GRIK2: variants seen among roughly 807,000 people sequenced by gnomAD.
GRIK2 encodes glutamate receptor ionotropic, kainate 2.
Under a neutral mutation model 100.3 loss-of-function variants are expected in GRIK2, and 32 were observed. The observed-to-expected ratio is 0.32, with a 90% CI of 0.24 to 0.43. The LOEUF (loss-of-function observed/expected upper bound fraction) is 0.43. Ranked by LOEUF, GRIK2 falls within the 20% of genes least tolerant of loss-of-function variation. GRIK2 has a pLI of 1.00. For missense variants in GRIK2, 843 were observed against 1,114.9 expected, an observed-to-expected ratio of 0.76 and a Z score of 3.47; for synonymous variants, 417 against 389.4, an observed-to-expected ratio of 1.07 and a Z score of -0.83.
intron 2 of GRIK2, among the ~76,000 whole-genome samples, chr6:101,434,447 A>G (rs751195279): frequency 1.2e-4 from 19 of 152,180 alleles, no homozygotes; most frequent in Non-Finnish European, 2.2e-4. Context: ...TGATTCAGTG[A>G]ACAGAATTTC....
At position 101,852,243 on chromosome 6, in the gene GRIK2, T is replaced by G. The variant is rs575028179; in HGVS notation, c.1318-7044T>G. Among the ~76,000 whole-genome samples, 3 of 152,250 alleles carry G rather than the reference T, an allele frequency of 2.0e-5. No individual in the cohort carries two copies. The South Asian group carries it at 6.2e-4, about 32-fold the overall frequency. On this transcript the variant is annotated intron_variant, in intron 10 of 16. Coordinates refer to ENST00000369134, the MANE Select transcript of GRIK2 (RefSeq NM_021956.5). Reference sequence around the variant, plus strand: ...TCATAACCTAAATGAAACAAAAGTATGAAATCAATAGAGCTAATTTACTAT... The same window carrying G: ...TCATAACCTAAATGAAACAAAAGTAGGAAATCAATAGAGCTAATTTACTAT...
chr6:101,675,290 C>T (rs533782772), intron 4 of GRIK2, among the ~76,000 whole-genome samples: 13 of 120,454 alleles, frequency 1.1e-4, no homozygotes, highest in Non-Finnish European at 2.2e-4. Flanking sequence ...CGCACGCACA[C>T]GCAGACACAC....
intron 12 of GRIK2, among the ~76,000 whole-genome samples, chr6:101,922,197 G>A (rs1789597761): frequency 7.0e-6 from 1 of 143,160 alleles, no homozygotes; most frequent in African/African-American, 2.6e-5. Flanking sequence ...AGATTATATA[G>A]TCTGAGAAAA....
At chr6:101,558,937 A>G (rs1776868815) in intron 2 of GRIK2, among the ~76,000 whole-genome samples, 1 of 152,026 alleles carries the variant, frequency 6.6e-6, no homozygotes, top group African/African-American at 2.4e-5. Context: ...ATCACCGTAT[A>G]TTTATGACTC....
Position 102,055,391 on chromosome 6 carries a change from G to A in GRIK2, c.2373G>A (p.Leu791=), listed in dbSNP as rs368811963. 3.1e-5 allele frequency: 50 copies of A among 1,612,318 alleles called. No individual in the cohort carries two copies. In the African/African-American group the frequency reaches 5.1e-4, roughly 16 times the overall value. Residue 791 remains leucine, a synonymous_variant, in exon 16 of 17, where the codon CTG becomes CTA. Coordinates refer to ENST00000369134, the MANE Select transcript of GRIK2 (RefSeq NM_021956.5). ...AILQLQEEGK[L]HMMKEKWWRG... ...TTCAGCTGCAAGAGGAAGGCAAACT[G>A]CATATGATGAAGGAGAAATGGTGGA...
At chr6:101,567,126 C>G (rs1228796831) in intron 2 of GRIK2, among the ~76,000 whole-genome samples, 3 of 151,666 alleles carry the variant, frequency 2.0e-5, no homozygotes, top group South Asian at 2.1e-4. Context: ...ACATATATTT[C>G]ATTGTATTTT....
chr6:101,444,211 A>T (rs1315159850), intron 2 of GRIK2, among the ~76,000 whole-genome samples: 1 of 151,868 alleles, frequency 6.6e-6, no homozygotes, highest in Non-Finnish European at 1.5e-5. Flanking sequence ...GTGCCACCAC[A>T]TCCGACTCAT....
chr6:101,597,634 A>C (rs1297501176), intron 2 of GRIK2, among the ~76,000 whole-genome samples: 2 of 151,722 alleles, frequency 1.3e-5, no homozygotes, highest in Admixed American at 6.6e-5. Context: ...TGTTGAATGA[A>C]TTAATTTAGA....
At chr6:101,587,001 T>A (rs1401801343) in intron 2 of GRIK2, among the ~76,000 whole-genome samples, 1 of 151,890 alleles carries the variant, frequency 6.6e-6, no homozygotes, top group Non-Finnish European at 1.5e-5. Flanking sequence ...AAATATGGAT[T>A]TAAACTCAAT....
chr6:101,861,116 A>T (rs1275223008), intron 11 of GRIK2, among the ~76,000 whole-genome samples: 2 of 152,170 alleles, frequency 1.3e-5, no homozygotes, highest in Non-Finnish European at 2.9e-5. Flanking sequence ...TTTGAAACTT[A>T]ACTTTCTGAA....
At chr6:101,938,407 T>C (rs1227402885) in intron 14 of GRIK2, among the ~76,000 whole-genome samples, 1 of 152,118 alleles carries the variant, frequency 6.6e-6, no homozygotes, top group Non-Finnish European at 1.5e-5. Flanking sequence ...TAAATTTTGG[T>C]GCTTGTTCAT....
chr6:101,466,341 T>C (rs1375994321), intron 2 of GRIK2, among the ~76,000 whole-genome samples: 1 of 151,224 alleles, frequency 6.6e-6, no homozygotes, highest in African/African-American at 2.4e-5. Context: ...AAAAAGCTAA[T>C]ATGTAATTTG....
chr6:101,981,561 T>C (rs1396557874), intron 14 of GRIK2, among the ~76,000 whole-genome samples: 2 of 151,922 alleles, frequency 1.3e-5, no homozygotes, highest in African/African-American at 2.4e-5. Flanking sequence ...GTTTCAGCTA[T>C]GTAATACAGT....
intron 15 of GRIK2, among the ~76,000 whole-genome samples, chr6:102,053,426 G>T (rs924962524): frequency 1.3e-5 from 2 of 152,064 alleles, no homozygotes; most frequent in Non-Finnish European, 2.9e-5. Flanking sequence ...ATATCACAGA[G>T]ACTCAAGCAC....
rs767362262 is a variant in GRIK2 at position 101,812,742 on chromosome 6, C to T, written c.1204-5628C>T. ...ATAACTAAATTGCTGTGTATGGAAG[C>T]GTAATAAACGATCATCCATTACTGC... On this transcript the variant is annotated intron_variant, in intron 9 of 16. Coordinates refer to ENST00000369134, the MANE Select transcript of GRIK2 (RefSeq NM_021956.5). Among the ~76,000 whole-genome samples the T allele has an allele frequency of 4.6e-5, 7 of 151,942 alleles. No individual in the cohort carries two copies. In the Middle Eastern group the frequency reaches 0.017, roughly 369 times the overall value.
Position 101,622,056 on chromosome 6 carries a change from A to G in GRIK2, c.223A>G (p.Thr75Ala), listed in dbSNP as rs1460077130. The stretch of plus-strand genomic sequence containing the variant: ...AAACAGAACATTGCTACCCAATACT[A>G]CCCTTACCTATGATACCCAGAAGAT... ...NRNRTLLPNT[T>A]LTYDTQKINL... Residue 75 changes from threonine (T) to alanine (A), a missense_variant, in exon 3 of 17, where the codon ACC (threonine) becomes GCC (alanine). Coordinates refer to ENST00000369134, the MANE Select transcript of GRIK2 (RefSeq NM_021956.5). The G allele has an allele frequency of 6.2e-7, 1 of 1,602,232 alleles. No individual in the cohort carries two copies. Among genetic ancestry groups the G allele is most frequent in the African/African-American group, 1.3e-5 (1 of 74,666 alleles).
chr6:101,634,106 T>C (rs1001751281), intron 4 of GRIK2, among the ~76,000 whole-genome samples: 6 of 152,110 alleles, frequency 3.9e-5, no homozygotes, highest in East Asian at 1.9e-4. Flanking sequence ...GGATATGAGA[T>C]ATGGAGAGCA....
chr6:101,628,309 G>A (rs1481335782), intron 4 of GRIK2, among the ~76,000 whole-genome samples: 1 of 151,880 alleles, frequency 6.6e-6, no homozygotes, highest in African/African-American at 2.4e-5. Flanking sequence ...TTTTCAATTA[G>A]ATAAGAAAGA....
rs1195734944 is a variant in GRIK2, at chr6:101,963,977, T to G, written c.2085+35345T>G. Among the ~76,000 whole-genome samples the G allele has an allele frequency of 5.9e-5, 9 of 152,138 alleles. No individual in the cohort carries two copies. The East Asian group carries it at 1.7e-3, about 30-fold the overall frequency. On this transcript the variant is annotated intron_variant, in intron 14 of 16. Coordinates refer to ENST00000369134, the MANE Select transcript of GRIK2 (RefSeq NM_021956.5). ...TCTTCTTGGGCAAAATATGCACCAC[T>G]GCTCTGGAGCTAATGGGAAGGAGGG...
Sources: allele counts gnomAD v4.1 joint callset (sites outside exome capture counted in the v4.1 genomes callset), GRCh38; gene constraint gnomAD v4.1.1; transcripts MANE v1.5; gene names NCBI Gene and HGNC (gene_info 2026-07-23, HGNC 2026-07-21).